NEXMIF: variants seen among roughly 807,000 people sequenced by gnomAD.
The protein encoded by NEXMIF is neurite extension and migration factor, also known as XLMR protein related to neurite extension.
A neutral mutation model predicts 62.1 loss-of-function variants in NEXMIF; 8 were observed. That is an observed-to-expected ratio of 0.13 (90% CI 0.08 to 0.23). NEXMIF has a LOEUF of 0.23. NEXMIF is among the 10% of genes least tolerant of loss of function. The probability of loss-of-function intolerance (pLI) is 1.00; values close to 1 mark genes in which losing one functional copy is unlikely to be tolerated. For missense variants in NEXMIF, 976 were observed against 1,113.3 expected (o/e 0.88, Z 1.75); for synonymous variants, 404 against 416.6 (o/e 0.97, Z 0.37).
chrX:74,820,865 G>A (rs988500056), intron 1 of NEXMIF, among the ~76,000 whole-genome samples: 5 of 110,781 alleles, frequency 4.5e-5, no homozygotes, highest in Admixed American at 2.9e-4. Flanking sequence ...GCCTACCTGA[G>A]GGCAGAGGGT....
intron 1 of NEXMIF, among the ~76,000 whole-genome samples, chrX:74,747,313 T>C (rs1414160019): frequency 1.8e-5 from 2 of 111,324 alleles, no homozygotes; most frequent in Non-Finnish European, 3.8e-5. Flanking sequence ...GTCCAAGGTA[T>C]GGAAAGAGAG....
chrX:74,830,890 T>C (rs1347847978), intron 1 of NEXMIF, among the ~76,000 whole-genome samples: 1 of 112,215 alleles, frequency 8.9e-6, no homozygotes, highest in Admixed American at 9.5e-5. Flanking sequence ...CTGATTTTTG[T>C]ATGTTGATTT....
intron 1 of NEXMIF, among the ~76,000 whole-genome samples, chrX:74,858,558 A>G (rs1244235906): frequency 9.0e-6 from 1 of 111,519 alleles, no homozygotes; most frequent in East Asian, 2.8e-4. Context: ...GGATGGGTAC[A>G]AATAAACGCA....
At position 74,826,713 on chromosome X, in the gene NEXMIF, C is replaced by A. The variant is rs2080419098; in HGVS notation, c.-47-81016G>T. Among the ~76,000 whole-genome samples, 3 of 110,826 alleles carry A rather than the reference C, an allele frequency of 2.7e-5. No individual in the cohort carries two copies. In the Admixed American group the frequency reaches 2.9e-4, roughly 11 times the overall value. ...CAGACCAATGTATTGTAGTTTCCCCCTGTGTTTTTTTCAAGTAATTTTATA... is the reference window on the plus strand; with the variant it reads ...CAGACCAATGTATTGTAGTTTCCCCATGTGTTTTTTTCAAGTAATTTTATA... On this transcript the variant is annotated intron_variant, in intron 1 of 3. Transcript: ENST00000055682.
chrX:74,856,034 A>C (rs1180321206), intron 1 of NEXMIF, among the ~76,000 whole-genome samples: 1 of 112,325 alleles, frequency 8.9e-6, no homozygotes, highest in Non-Finnish European at 1.9e-5. Context: ...CATGCAAAAA[A>C]CAAGAAAGTA....
chrX:74,925,018 G>A lies in NEXMIF; in HGVS notation c.-183C>T, dbSNP rs2080839445. 1 of 121,555 alleles carries A rather than the reference G, an allele frequency of 8.2e-6. No homozygotes were observed. The highest frequency in any genetic ancestry group is 1.7e-5 in the Non-Finnish European group (1 of 58,776). The allele number at this position is 121,555 out of a possible 1,213,427, so 10.0% of individuals were successfully genotyped here. A position where few individuals can be genotyped will look rare whatever the true frequency, so the allele number is the denominator to read the frequency against. On this transcript the variant is annotated 5_prime_UTR_variant, in exon 1 of 4. Coordinates refer to ENST00000055682, the MANE Select transcript of NEXMIF (RefSeq NM_001008537.3). The stretch of plus-strand genomic sequence containing the variant: ...AGCTGCCTTAGCCGCCACCGCCGCT[G>A]CTACTGCTGCCGCCGCCGCCGCCGC...
intron 1 of NEXMIF, among the ~76,000 whole-genome samples, chrX:74,915,782 A>G (rs2080804449): frequency 1.8e-5 from 2 of 110,848 alleles, no homozygotes; most frequent in Admixed American, 1.9e-4. Flanking sequence ...ATGGAAGGGG[A>G]CCATGAGCTA....
intron 1 of NEXMIF, among the ~76,000 whole-genome samples, chrX:74,789,750 T>G (rs1308648632): frequency 9.1e-5 from 10 of 109,693 alleles, no homozygotes; most frequent in African/African-American, 3.0e-4. Context: ...TTTTCATGTG[T>G]TTTTTGGCTG....
intron 1 of NEXMIF, among the ~76,000 whole-genome samples, chrX:74,814,520 T>A (rs1193792937): frequency 1.8e-5 from 2 of 111,861 alleles, no homozygotes; most frequent in Non-Finnish European, 3.8e-5. Context: ...GTGCCAGGTC[T>A]CTTGCTATTT....
chrX:74,907,334 A>ACCCCCCCCCCCCCCCCC (rs56726810), intron 1 of NEXMIF, among the ~76,000 whole-genome samples: 1 of 53,045 alleles, frequency 1.9e-5, no homozygotes, highest in African/African-American at 7.1e-5. Context: ...AAGCAAGAGC[A>ACCCCCCCCCCCCCCCCC]CCCCCCCCCC....
intron 1 of NEXMIF, among the ~76,000 whole-genome samples, chrX:74,860,495 C>A (rs760934448): frequency 1.3e-4 from 14 of 111,757 alleles, no homozygotes; most frequent in Admixed American, 1.9e-4. Flanking sequence ...TCAAAGAGAC[C>A]ATATGTTAGG....
intron 1 of NEXMIF, among the ~76,000 whole-genome samples, chrX:74,794,656 A>G (rs1365420615): frequency 8.9e-6 from 1 of 111,989 alleles, no homozygotes; most frequent in East Asian, 2.8e-4. Context: ...CCTCCAAGCC[A>G]GGTGCGGGAT....
intron 1 of NEXMIF, among the ~76,000 whole-genome samples, chrX:74,868,997 C>G (rs2080590533): frequency 9.0e-6 from 1 of 110,710 alleles, no homozygotes; most frequent in Non-Finnish European, 1.9e-5. Context: ...CAGTATTACC[C>G]TGATACCAAA....
At chrX:74,909,459 C>T (rs141266056) in intron 1 of NEXMIF, among the ~76,000 whole-genome samples, 2,679 of 111,952 alleles carry the variant, frequency 0.024, 77 homozygotes, top group African/African-American at 0.084. Flanking sequence ...AATTTCTAAG[C>T]AGCAAGGCAT....
At chrX:74,868,814 G>T (rs955524390) in intron 1 of NEXMIF, among the ~76,000 whole-genome samples, 14 of 110,914 alleles carry the variant, frequency 1.3e-4, no homozygotes, top group Non-Finnish European at 2.3e-4. Flanking sequence ...AGAAAAAAAA[G>T]TAATGAGTTC....
At chrX:74,886,638 G>T (rs376324544) in intron 1 of NEXMIF, among the ~76,000 whole-genome samples, 13 of 110,013 alleles carry the variant, frequency 1.2e-4, no homozygotes, top group African/African-American at 4.4e-4. Context: ...CACTGCTCAA[G>T]GAAATAAAAG....
chrX:74,794,235 G>T (rs754349267), intron 1 of NEXMIF, among the ~76,000 whole-genome samples: 1 of 109,378 alleles, frequency 9.1e-6, no homozygotes, highest in African/African-American at 3.3e-5. Flanking sequence ...ATACCCTGCC[G>T]TGTGAGGTGT....
intron 1 of NEXMIF, among the ~76,000 whole-genome samples, chrX:74,906,091 G>A (rs1008882488): frequency 2.3e-4 from 25 of 109,418 alleles, no homozygotes; most frequent in African/African-American, 8.3e-4. Flanking sequence ...GCAAGATGAC[G>A]AGACTCTGTC....
At chrX:74,803,054 C>T (rs1415911639) in intron 1 of NEXMIF, among the ~76,000 whole-genome samples, 1 of 110,453 alleles carries the variant, frequency 9.1e-6, no homozygotes, top group African/African-American at 3.3e-5. Flanking sequence ...CAATTAAGCA[C>T]ACTTACAAGA....
Sources: allele counts gnomAD v4.1 joint callset (sites outside exome capture counted in the v4.1 genomes callset), GRCh38; gene constraint gnomAD v4.1.1; transcripts MANE v1.5; gene names NCBI Gene and HGNC (gene_info 2026-07-23, HGNC 2026-07-21).